Variants in BAG3 observed in about 807,000 individuals in gnomAD.
BAG3 encodes BAG family molecular chaperone regulator 3.
BAG3 carries 14 observed loss-of-function variants against 40.5 expected under a neutral mutation model. The observed-to-expected ratio is 0.35, with a 90% CI of 0.23 to 0.54. The LOEUF (loss-of-function observed/expected upper bound fraction) is 0.54, where lower values mean the gene tolerates loss of function less well. Ranked by LOEUF, BAG3 falls within the 20% of genes least tolerant of loss-of-function variation. BAG3 has a pLI of 0.91. For synonymous variants in BAG3, 302 were observed against 307.8 expected, an observed-to-expected ratio of 0.98 and a Z score of 0.20; for missense variants, 788 against 758.6, an observed-to-expected ratio of 1.04 and a Z score of -0.46.
At chr10:119,670,888 C>T (rs1421444870) in intron 2 of BAG3, among the ~76,000 whole-genome samples, 1 of 152,182 alleles carries the variant, frequency 6.6e-6, no homozygotes, top group Non-Finnish European at 1.5e-5. Flanking sequence ...TTCCTGTCTG[C>T]ACATCATCCT....
chr10:119,661,719 C>G (rs540824224), intron 1 of BAG3, among the ~76,000 whole-genome samples: 3 of 152,042 alleles, frequency 2.0e-5, no homozygotes, highest in African/African-American at 7.2e-5. Context: ...GTGGTTGGCA[C>G]ACACCTCTTG....
chr10:119,668,270 C>T (rs751621394), intron 1 of BAG3, among the ~76,000 whole-genome samples: 7 of 152,232 alleles, frequency 4.6e-5, no homozygotes, highest in Non-Finnish European at 1.0e-4. Context: ...CTGGTGCCCA[C>T]GCCTGCACAC....
At chr10:119,654,380 G>T (rs944767291) in intron 1 of BAG3, among the ~76,000 whole-genome samples, 1 of 152,190 alleles carries the variant, frequency 6.6e-6, no homozygotes, top group African/African-American at 2.4e-5. Flanking sequence ...TCTTTTGGGG[G>T]AGGACTCAGC....
chr10:119,667,359 A>G (rs1460422641), intron 1 of BAG3, among the ~76,000 whole-genome samples: 1 of 152,152 alleles, frequency 6.6e-6, no homozygotes, highest in East Asian at 1.9e-4. Flanking sequence ...ACTCACATTT[A>G]TTGCCAGTCT....
intron 1 of BAG3, among the ~76,000 whole-genome samples, chr10:119,658,974 T>C (rs1036070380): frequency 1.3e-5 from 2 of 152,164 alleles, no homozygotes; most frequent in African/African-American, 4.8e-5. Flanking sequence ...TGGCTGTCCG[T>C]GGGCCTTTCA....
intron 3 of BAG3, among the ~76,000 whole-genome samples, chr10:119,675,899 TCCCC>T (rs1162239075): frequency 2.7e-4 from 4 of 14,870 alleles, no homozygotes; most frequent in Non-Finnish European, 4.1e-4. Context: ...CTTCCTTCCT[TCCCC>T]CCTTCCTTCC....
At chr10:119,652,958 A>G (rs1371324528) in intron 1 of BAG3, among the ~76,000 whole-genome samples, 3 of 152,260 alleles carry the variant, frequency 2.0e-5, no homozygotes, top group African/African-American at 7.2e-5. Context: ...TGTTATACTT[A>G]AAGCTGAATT....
chr10:119,675,577 A>G (rs759152047), intron 3 of BAG3, among the ~76,000 whole-genome samples: 10 of 152,110 alleles, frequency 6.6e-5, no homozygotes, highest in Non-Finnish European at 1.3e-4. Flanking sequence ...TATCTTTTCT[A>G]AAACAGGAGA....
intron 1 of BAG3, among the ~76,000 whole-genome samples, chr10:119,653,404 T>A (rs968777151): frequency 6.6e-6 from 1 of 152,168 alleles, no homozygotes; most frequent in African/African-American, 2.4e-5. Context: ...CCTGTAGACA[T>A]AGGGATAGTG....
chr10:119,655,469 A>G (rs1472335607), intron 1 of BAG3, among the ~76,000 whole-genome samples: 1 of 152,216 alleles, frequency 6.6e-6, no homozygotes. Context: ...GTTTCGAGTT[A>G]TGATTGAAGT....
chr10:119,652,344 T>G (rs1846854879), intron 1 of BAG3, among the ~76,000 whole-genome samples: 1 of 152,166 alleles, frequency 6.6e-6, no homozygotes, highest in Non-Finnish European at 1.5e-5. Context: ...TTGGGGGGAA[T>G]TTTACCGCTC....
chr10:119,661,318 C>CA (rs1319660884), intron 1 of BAG3, among the ~76,000 whole-genome samples: 1 of 152,004 alleles, frequency 6.6e-6, no homozygotes, highest in African/African-American at 2.4e-5. Context: ...CAGAGCAGCT[C>CA]AGAGTTTACA....
At chr10:119,665,575 G>C (rs1452444754) in intron 1 of BAG3, among the ~76,000 whole-genome samples, 3 of 152,046 alleles carry the variant, frequency 2.0e-5, no homozygotes, top group Non-Finnish European at 4.4e-5. Flanking sequence ...CACCACGCCT[G>C]GCCCAGGTGG....
At chr10:119,669,178 C>T (rs538219313) in intron 1 of BAG3, among the ~76,000 whole-genome samples, 32 of 152,124 alleles carry the variant, frequency 2.1e-4, no homozygotes, top group Non-Finnish European at 4.1e-4. Flanking sequence ...GGAGATGCTT[C>T]GGAAGCCTAA....
intron 1 of BAG3, 58 bp from the exon 2 acceptor site, chr10:119,669,793 C>T (rs1847117871): frequency 5.2e-6 from 8 of 1,528,164 alleles, no homozygotes; most frequent in Non-Finnish European, 7.2e-6. Flanking sequence ...TTTCCTCTGC[C>T]AGGAGGGTTC....
chr10:119,660,139 C>T (rs868454341), intron 1 of BAG3, among the ~76,000 whole-genome samples: 24 of 152,204 alleles, frequency 1.6e-4, no homozygotes, highest in African/African-American at 5.3e-4. Flanking sequence ...AGACGGCTGA[C>T]GTGTGCCCTG....
chr10:119,665,137 TATATATA>T (rs1564771808), intron 1 of BAG3, among the ~76,000 whole-genome samples: 22 of 83,246 alleles, frequency 2.6e-4, no homozygotes, highest in Admixed American at 3.8e-4. Flanking sequence ...TATATATATA[TATATATA>T]TTTTTTTTTT....
At chr10:119,666,547 T>TATGCTCAGCGAGATGCATGAG (rs1847070075) in intron 1 of BAG3, among the ~76,000 whole-genome samples, 4 of 150,748 alleles carry the variant, frequency 2.7e-5, no homozygotes, top group Admixed American at 2.6e-4. Context: ...AGGCACAAAA[T>TATGCTCAGCGAGATGCATGAG]GTGCTCAGCG....
At chr10:119,660,891 C>T (rs1214838787) in intron 1 of BAG3, among the ~76,000 whole-genome samples, 1 of 151,272 alleles carries the variant, frequency 6.6e-6, no homozygotes, top group East Asian at 2.0e-4. Flanking sequence ...ATCAGAAGTT[C>T]GAGACCATCC....
Sources: allele counts gnomAD v4.1 joint callset (sites outside exome capture counted in the v4.1 genomes callset), GRCh38; gene constraint gnomAD v4.1.1; transcripts MANE v1.5; gene names NCBI Gene and HGNC (gene_info 2026-07-23, HGNC 2026-07-21).